Variants in SDK2 observed in about 807,000 individuals in gnomAD.
SDK2 encodes protein sidekick-2.
A neutral mutation model predicts 253.9 loss-of-function variants in SDK2; 105 were observed. The observed-to-expected ratio is 0.41, with a 90% CI of 0.35 to 0.49. The LOEUF (loss-of-function observed/expected upper bound fraction) is 0.49. SDK2 is among the 20% of genes least tolerant of loss of function. The pLI, the probability that SDK2 is intolerant of heterozygous loss-of-function variation, is 0.06. For missense variants in SDK2, 2,608 were observed against 3,003.0 expected (o/e 0.87, Z 3.07); for synonymous variants, 1,249 against 1,234.9 (o/e 1.01, Z -0.24).
chr17:73,574,418 T>TGCACATGTGTACGTGCAC (rs1555605328), intron 1 of SDK2, among the ~76,000 whole-genome samples: 91 of 152,176 alleles, frequency 6.0e-4, no homozygotes, highest in African/African-American at 2.0e-3. Context: ...ATCACGTGCA[T>TGCACATGTGTACGTGCAC]GCACATGTGT....
Position 73,398,346 on chromosome 17 carries a change from G to A in SDK2, c.3177C>T (p.Pro1059=), listed in dbSNP as rs1296937318. 10 of 1,613,836 alleles carry A rather than the reference G, an allele frequency of 6.2e-6. No individual in the cohort carries two copies. The highest frequency in any genetic ancestry group is 2.7e-5 in the African/African-American group (2 of 74,922). Residue 1059 remains proline, a synonymous_variant, in exon 23 of 45, where the codon CCC becomes CCT. Coordinates refer to ENST00000392650, the MANE Select transcript of SDK2 (RefSeq NM_001144952.2). ...TGTAGCAGGTGAAGGGGTTGAGGTCGGGCACCTCCATGGAGCGGGCATCGG... is the reference window on the plus strand; with the variant it reads ...TGTAGCAGGTGAAGGGGTTGAGGTCAGGCACCTCCATGGAGCGGGCATCGG... ...NEPDARSMEV[P]DLNPFTCYSF...
Position 73,643,962 on chromosome 17 carries a change from C to CCCCCCCCCCCCCCCCCCCACA in SDK2, c.64+62_64+63insTGTGGGGGGGGGGGGGGGGGG. 1.2e-6 allele frequency: 1 copy of CCCCCCCCCCCCCCCCCCCACA among 802,558 alleles called. No individual in the cohort carries two copies. The highest frequency in any genetic ancestry group is 2.1e-6 in the Non-Finnish European group (1 of 485,014). 49.7% of individuals were successfully genotyped at this position (802,558 alleles called of 1,614,324 possible). ...TCACCGTGAGGCCGGCCAGCTCCCG[C>CCCCCCCCCCCCCCCCCCCACA]CGCCCCTCCCCCGCCCACTCTCCCA... On this transcript the variant is annotated intron_variant, in intron 1 of 44. Transcript: ENST00000392650. The surrounding 1 kb of genome is among the most constrained non-coding windows in gnomAD (Gnocchi z 6.9).
rs1474387453 is a variant in SDK2 at position 73,335,339 on chromosome 17, G to C, written c.*3248C>G. 3 of 152,326 alleles carry C rather than the reference G, an allele frequency of 2.0e-5. No individual in the cohort carries two copies. The highest frequency in any genetic ancestry group is 4.4e-5 in the Non-Finnish European group (3 of 68,136). 9.4% of individuals were successfully genotyped at this position (152,326 alleles called of 1,614,324 possible). Reference sequence around the variant, plus strand: ...GGCACAAGGAGGCAATGCCAAAGGTGCCAGGTGTGTCCTGGTGTGAACCTG... The same window carrying C: ...GGCACAAGGAGGCAATGCCAAAGGTCCCAGGTGTGTCCTGGTGTGAACCTG... On this transcript the variant is annotated 3_prime_UTR_variant, in exon 45 of 45. Transcript: ENST00000392650.
At chr17:73,478,572 G>A (rs2063701779) in intron 2 of SDK2, among the ~76,000 whole-genome samples, 2 of 152,286 alleles carry the variant, frequency 1.3e-5, no homozygotes, top group South Asian at 4.1e-4. Context: ...TCAGGGTGGA[G>A]GGCGCAAGAC....
rs978145571 is a variant in SDK2 at position 73,431,561 on chromosome 17, G to A, written c.1421C>T (p.Thr474Ile). 6.2e-7 allele frequency: 1 copy of A among 1,613,750 alleles called. No individual in the cohort carries two copies. Among genetic ancestry groups the A allele is most frequent in the Non-Finnish European group, 8.5e-7 (1 of 1,179,828 alleles). ...CCCCCGAGAGTTGGTGGCCAGGCAG[G>A]TGTAGGTCCCCGCATCGGAGATGTG... Reference protein sequence around the residue: ...PTHISDAGTYTCLATNSRGVD... With the variant: ...PTHISDAGTYICLATNSRGVD... Residue 474 changes from threonine to isoleucine, a missense_variant, in exon 11 of 45, where the codon ACC becomes ATC. This residue lies in a region of SDK2 where 1,505 missense variants were observed against 1,859.1 expected (regional missense o/e 0.81). Transcript: ENST00000392650. This position sits in a 1 kb window ranked among gnomAD's most constrained non-coding sequence, Gnocchi z 5.6.
chr17:73,544,484 G>T lies in SDK2; in HGVS notation c.65-36887C>A, dbSNP rs577702913. 4.6e-5 allele frequency among the ~76,000 whole-genome samples: 7 copies of T among 152,336 alleles called. No homozygotes were observed. In the East Asian group the frequency reaches 5.8e-4, roughly 13 times the overall value. On this transcript the variant is annotated intron_variant, in intron 1 of 44. Transcript: ENST00000392650. The stretch of plus-strand genomic sequence containing the variant: ...AAGATACTCCACTTATTGGATGGAG[G>T]AGTGGATGGATGGATGGAAAGAAGG...
intron 1 of SDK2, among the ~76,000 whole-genome samples, chr17:73,623,786 C>T (rs1048161097): frequency 7.2e-5 from 11 of 152,164 alleles, no homozygotes; most frequent in Admixed American, 5.2e-4. Context: ...GCCCGTTTCC[C>T]GGATGTGAAA....
At chr17:73,388,574 G>C (rs117683710) in intron 29 of SDK2, among the ~76,000 whole-genome samples, 3,977 of 152,266 alleles carry the variant, frequency 0.026, 68 homozygotes, top group Non-Finnish European at 0.041. Flanking sequence ...ATGCTCAGCA[G>C]TGTCCCTGGC....
intron 24 of SDK2, among the ~76,000 whole-genome samples, chr17:73,397,204 T>C (rs9916230): frequency 6.6e-6 from 1 of 152,114 alleles, no homozygotes; most frequent in African/African-American, 2.4e-5. Context: ...TGTTCCCACA[T>C]TTATTTGTCT....
chr17:73,362,206 TCC>T (rs2062647517), intron 38 of SDK2, among the ~76,000 whole-genome samples: 1 of 152,148 alleles, frequency 6.6e-6, no homozygotes, highest in African/African-American at 2.4e-5. Context: ...ATGTTTCGGC[TCC>T]ATTGCTATTC....
At position 73,402,267 on chromosome 17, in the gene SDK2, C is replaced by G. The variant is rs1301284957; in HGVS notation, c.2485-126G>C. The G allele has an allele frequency of 4.0e-6, 4 of 989,178 alleles. No individual in the cohort carries two copies. In the East Asian group the frequency reaches 1.0e-4, roughly 25 times the overall value. 61.3% of individuals were successfully genotyped at this position (989,178 alleles called of 1,614,324 possible). ...ACCGGAGTCCCTGTGGTGCCTCCTC[C>G]GAGGGAAGGGACAGGCAGTGCAGGG... On this transcript the variant is annotated intron_variant, in intron 18 of 44. Coordinates refer to ENST00000392650, the MANE Select transcript of SDK2 (RefSeq NM_001144952.2).
At chr17:73,588,886 C>T (rs757861726) in intron 1 of SDK2, among the ~76,000 whole-genome samples, 4 of 152,268 alleles carry the variant, frequency 2.6e-5, no homozygotes, top group Non-Finnish European at 5.9e-5. Flanking sequence ...ATACGCACTT[C>T]ATTCCTGATG....
intron 18 of SDK2, among the ~76,000 whole-genome samples, chr17:73,404,845 G>C (rs974557886): frequency 6.6e-6 from 1 of 152,114 alleles, no homozygotes; most frequent in Non-Finnish European, 1.5e-5. Context: ...CCCCCTTAGA[G>C]AGCAGAGGCC....
At chr17:73,485,997 T>A (rs948011681) in intron 2 of SDK2, among the ~76,000 whole-genome samples, 1 of 152,196 alleles carries the variant, frequency 6.6e-6, no homozygotes, top group African/African-American at 2.4e-5. Context: ...AATTTGGTCT[T>A]TGCCATAGAC....
intron 13 of SDK2, 38 bp from the exon 14 acceptor site, chr17:73,423,560 T>C: frequency 6.7e-7 from 1 of 1,488,508 alleles, no homozygotes; most frequent in Non-Finnish European, 9.0e-7. Flanking sequence ...CCCTATGTGG[T>C]CTGCAGGCAG....
intron 5 of SDK2, among the ~76,000 whole-genome samples, chr17:73,442,763 A>G (rs1390945121): frequency 6.6e-6 from 1 of 151,564 alleles, no homozygotes; most frequent in East Asian, 1.9e-4. Flanking sequence ...CCATCATCCA[A>G]CTCCCAGGGT....
chr17:73,576,229 G>A (rs781331661), intron 1 of SDK2, among the ~76,000 whole-genome samples: 14 of 152,118 alleles, frequency 9.2e-5, no homozygotes, highest in African/African-American at 3.1e-4. Context: ...GGGAGGGAAC[G>A]TCCCAAGGAT....
intron 12 of SDK2, among the ~76,000 whole-genome samples, chr17:73,429,379 C>T (rs761328261): frequency 2.6e-5 from 4 of 152,218 alleles, no homozygotes; most frequent in Admixed American, 6.5e-5. Flanking sequence ...TTTGTGCTAG[C>T]GTCATGTGAT....
At position 73,539,407 on chromosome 17, in the gene SDK2, A is replaced by G. The variant is rs538832171; in HGVS notation, c.65-31810T>C. ...GGAGAGATTAAACACCCAGCTGTAC[A>G]TCAGCCCTGCTCGGCTCAGCACAGC... On this transcript the variant is annotated intron_variant, in intron 1 of 44. Coordinates refer to ENST00000392650, the MANE Select transcript of SDK2 (RefSeq NM_001144952.2). Among the ~76,000 whole-genome samples the G allele has an allele frequency of 4.5e-4, 68 of 151,880 alleles. No individual in the cohort carries two copies. The South Asian group carries it at 0.013, about 30-fold the overall frequency.
Sources: gnomAD v4.1 joint callset for allele counts (sites outside exome capture counted in the v4.1 genomes callset) on GRCh38, gnomAD v4.1.1 for gene constraint, gnomAD v4.1.1 regional missense constraint, Gnocchi (gnomAD v3.1) non-coding constraint, MANE v1.5 for transcripts, NCBI Gene and HGNC (gene_info 2026-07-23, HGNC 2026-07-21) for gene names.